The following DCDC2 variants were observed in gnomAD, a reference collection of about 807,000 sequenced individuals.
DCDC2 encodes doublecortin domain-containing protein 2.
A neutral mutation model predicts 50.2 loss-of-function variants in DCDC2; 40 were observed. The observed-to-expected ratio is 0.80, with a 90% CI of 0.62 to 1.04. The LOEUF (loss-of-function observed/expected upper bound fraction) is 1.04. Ranked by LOEUF, DCDC2 falls within the 50% of genes least tolerant of loss-of-function variation. The pLI, the probability that DCDC2 is intolerant of heterozygous loss-of-function variation, is 0.00. For missense variants in DCDC2, 570 were observed against 581.9 expected (o/e 0.98, Z 0.21); for synonymous variants, 234 against 210.6 (o/e 1.11, Z -0.96).
chr6:24,379,371 G>C, the DCDC2 span, among the ~76,000 whole-genome samples: 20 of 152,212 alleles, frequency 1.3e-4, no homozygotes, highest in Non-Finnish European at 2.9e-4. Context: ...CCATCAAAAA[G>C]TGGGCAAAGG....
upstream of DCDC2, among the ~76,000 whole-genome samples, chr6:24,361,210 G>A (rs1425282043): frequency 6.6e-6 from 1 of 152,070 alleles, no homozygotes; most frequent in Non-Finnish European, 1.5e-5. Context: ...CATATAAGTA[G>A]GAGTTAAATG....
intron 6 of DCDC2, among the ~76,000 whole-genome samples, chr6:24,280,824 AGCCACT>A (rs1482762539): frequency 4.6e-5 from 7 of 152,100 alleles, no homozygotes; most frequent in Non-Finnish European, 7.4e-5. Context: ...TACATGTGTG[AGCCACT>A]GCACATGGTC....
intron 2 of DCDC2, among the ~76,000 whole-genome samples, chr6:24,309,048 T>C (rs807690): frequency 0.77 from 117,041 of 152,030 alleles, 47,671 homozygotes; most frequent in East Asian, 0.99. Flanking sequence ...TTTTAAAACT[T>C]AAAAAAATTA....
At chr6:24,212,698 CTTT>C (rs373530855) in intron 7 of DCDC2, among the ~76,000 whole-genome samples, 1 of 152,198 alleles carries the variant, frequency 6.6e-6, no homozygotes, top group South Asian at 2.1e-4. Flanking sequence ...CAGCTCTCAT[CTTT>C]TTTTCTTTGA....
At chr6:24,364,946 T>C in the DCDC2 span, among the ~76,000 whole-genome samples, 1 of 152,194 alleles carries the variant, frequency 6.6e-6, no homozygotes, top group Non-Finnish European at 1.5e-5. Context: ...CCTTAAAAAG[T>C]GTCACCTTTA....
At chr6:24,244,808 T>C (rs1171829394) in intron 7 of DCDC2, among the ~76,000 whole-genome samples, 1 of 152,258 alleles carries the variant, frequency 6.6e-6, no homozygotes, top group South Asian at 2.1e-4. Context: ...GCAAATCTTA[T>C]GTAGCTGAAA....
At chr6:24,279,382 C>G (rs565368028) in intron 6 of DCDC2, among the ~76,000 whole-genome samples, 26 of 152,144 alleles carry the variant, frequency 1.7e-4, no homozygotes, top group African/African-American at 6.0e-4. Context: ...TGAGGCCAGA[C>G]TAAGCAACAT....
At chr6:24,377,191 C>T in the DCDC2 span, among the ~76,000 whole-genome samples, 2 of 152,204 alleles carry the variant, frequency 1.3e-5, no homozygotes, top group African/African-American at 4.8e-5. Context: ...GGGAACAAAA[C>T]TTTACTCTTG....
chr6:24,242,825 G>A (rs1322154551), intron 7 of DCDC2, among the ~76,000 whole-genome samples: 1 of 152,096 alleles, frequency 6.6e-6, no homozygotes. Context: ...AGCCAGGCGT[G>A]GTGGCATGCA....
chr6:24,274,913 T>A (rs1310884916), intron 7 of DCDC2, among the ~76,000 whole-genome samples: 1 of 152,072 alleles, frequency 6.6e-6, no homozygotes, highest in Non-Finnish European at 1.5e-5. Flanking sequence ...ATCATAGCTA[T>A]TCACCCTAAC....
chr6:24,287,196 C>A (rs558891132), intron 6 of DCDC2, among the ~76,000 whole-genome samples: 1 of 152,208 alleles, frequency 6.6e-6, no homozygotes, highest in Non-Finnish European at 1.5e-5. Flanking sequence ...TCAGCCCCCA[C>A]ACCAAAAAGG....
At chr6:24,324,174 TGATGTA>T (rs11276967) in intron 2 of DCDC2, among the ~76,000 whole-genome samples, 73,988 of 151,722 alleles carry the variant, frequency 0.49, 19,608 homozygotes, top group Admixed American at 0.59. Flanking sequence ...TCAAAGCACC[TGATGTA>T]GATACAGAAG....
At chr6:24,287,301 C>A (rs3789227) in intron 6 of DCDC2, among the ~76,000 whole-genome samples, 9 of 152,110 alleles carry the variant, frequency 5.9e-5, no homozygotes, top group Non-Finnish European at 1.3e-4. Flanking sequence ...CTCCCCTCCT[C>A]CCCTGCCATT....
intron 4 of DCDC2, among the ~76,000 whole-genome samples, chr6:24,300,693 G>T (rs540184814): frequency 3.0e-4 from 45 of 152,146 alleles, no homozygotes; most frequent in Admixed American, 2.9e-3. Context: ...ATTTTATCAC[G>T]TGTGTATGAA....
chr6:24,217,060 C>T (rs1761998149), intron 7 of DCDC2, among the ~76,000 whole-genome samples: 1 of 152,016 alleles, frequency 6.6e-6, no homozygotes, highest in South Asian at 2.1e-4. Flanking sequence ...TTACTATAAT[C>T]ACTAACAATC....
intron 8 of DCDC2, among the ~76,000 whole-genome samples, chr6:24,204,297 C>G (rs372940718): frequency 2.1e-4 from 32 of 152,252 alleles, no homozygotes; most frequent in African/African-American, 7.5e-4. Flanking sequence ...CCACGGAATA[C>G]TATGCAGCCA....
intron 6 of DCDC2, among the ~76,000 whole-genome samples, chr6:24,287,075 A>G (rs1342734196): frequency 2.0e-5 from 3 of 152,014 alleles, no homozygotes; most frequent in African/African-American, 7.2e-5. Context: ...TAATATTCTC[A>G]CCTCTCAGAA....
At chr6:24,209,455 C>T (rs1432611312) in intron 7 of DCDC2, among the ~76,000 whole-genome samples, 3 of 152,122 alleles carry the variant, frequency 2.0e-5, no homozygotes, top group African/African-American at 7.2e-5. Context: ...CCCAATGAGA[C>T]ACAGAAGCAG....
chr6:24,359,889 A>C (rs748948318), upstream of DCDC2, among the ~76,000 whole-genome samples: 1 of 152,196 alleles, frequency 6.6e-6, no homozygotes, highest in Non-Finnish European at 1.5e-5. Context: ...TCACGTGAAG[A>C]CAGCAGGCAG....
Sources: gnomAD v4.1 joint callset for allele counts (sites outside exome capture counted in the v4.1 genomes callset) on GRCh38, gnomAD v4.1.1 for gene constraint, MANE v1.5 for transcripts, NCBI Gene and HGNC (gene_info 2026-07-23, HGNC 2026-07-21) for gene names.